The following KALRN variants were observed in gnomAD, a reference collection of about 807,000 sequenced individuals.
KALRN encodes the protein kalirin.
KALRN carries 70 observed loss-of-function variants against 353.7 expected under a neutral mutation model. The observed-to-expected ratio is 0.20, with a 90% CI of 0.16 to 0.24. KALRN has a LOEUF of 0.24. Ranked by LOEUF, KALRN falls within the 10% of genes least tolerant of loss-of-function variation. KALRN has a pLI of 1.00. For synonymous variants in KALRN, 1,391 were observed against 1,434.8 expected, an observed-to-expected ratio of 0.97 and a Z score of 0.69; for missense variants, 2,791 against 3,756.7, an observed-to-expected ratio of 0.74 and a Z score of 6.72.
intron 17 of KALRN, among the ~76,000 whole-genome samples, chr3:124,436,448 T>C (rs1261673407): frequency 1.3e-5 from 2 of 152,276 alleles, no homozygotes; most frequent in African/African-American, 4.8e-5. Context: ...AAACATGAGC[T>C]GCCTGCACGT....
intron 33 of KALRN, among the ~76,000 whole-genome samples, chr3:124,527,837 C>A (rs981168223): frequency 7.2e-5 from 11 of 152,096 alleles, no homozygotes; most frequent in African/African-American, 2.4e-4. Context: ...GTTTGAAGAA[C>A]CTAGATTCCA....
At chr3:124,436,366 T>G (rs2093460428) in intron 17 of KALRN, among the ~76,000 whole-genome samples, 1 of 152,236 alleles carries the variant, frequency 6.6e-6, no homozygotes, top group South Asian at 2.1e-4. Flanking sequence ...CTAAGTTCAG[T>G]CCTATCATGG....
At chr3:124,335,907 C>T (rs778217358) in intron 9 of KALRN, among the ~76,000 whole-genome samples, 8 of 152,094 alleles carry the variant, frequency 5.3e-5, no homozygotes, top group Admixed American at 2.6e-4. Context: ...GTGAAATACA[C>T]ATGGAAAATT....
chr3:124,366,196 T>C (rs1424604540), intron 10 of KALRN, among the ~76,000 whole-genome samples: 1 of 151,474 alleles, frequency 6.6e-6, no homozygotes, highest in Non-Finnish European at 1.5e-5. Flanking sequence ...TTTTATTGTA[T>C]TTCTTTTTTT....
At chr3:124,678,031 C>T (rs1227775037) in intron 49 of KALRN, among the ~76,000 whole-genome samples, 159 bp from the exon 50 acceptor site, 5 of 152,190 alleles carry the variant, frequency 3.3e-5, no homozygotes, top group African/African-American at 7.2e-5. Context: ...CGAGGTCAGC[C>T]GCCAGCCACC....
chr3:124,258,027 A>G (rs544768081), intron 3 of KALRN, among the ~76,000 whole-genome samples: 54 of 152,264 alleles, frequency 3.5e-4, no homozygotes, highest in African/African-American at 1.3e-3. Context: ...TCCACTGTAA[A>G]CGGGTCTGCT....
At chr3:124,644,080 C>A (rs1314451297) in intron 37 of KALRN, among the ~76,000 whole-genome samples, 1 of 152,194 alleles carries the variant, frequency 6.6e-6, no homozygotes, top group African/African-American at 2.4e-5. Flanking sequence ...CCTGTTCATG[C>A]TACAGATTTG....
chr3:124,576,179 C>G (rs1188490549), intron 34 of KALRN, among the ~76,000 whole-genome samples: 1 of 151,858 alleles, frequency 6.6e-6, no homozygotes. Context: ...TCTCCCATCA[C>G]AGTGTATACT....
intron 34 of KALRN, among the ~76,000 whole-genome samples, chr3:124,626,255 G>A (rs1219065831): frequency 6.6e-6 from 1 of 152,102 alleles, no homozygotes; most frequent in East Asian, 1.9e-4. Flanking sequence ...TTAACAACAT[G>A]GATAAGAAAG....
intron 37 of KALRN, among the ~76,000 whole-genome samples, chr3:124,648,291 G>A (rs1337201870): frequency 6.6e-6 from 1 of 152,210 alleles, no homozygotes; most frequent in African/African-American, 2.4e-5. Flanking sequence ...GTCTCTCACT[G>A]TTGCCATCCC....
chr3:124,697,486 A>G, intron 54 of KALRN, 107 bp from the exon 55 acceptor site: 1 of 1,181,598 alleles, frequency 8.5e-7, no homozygotes, highest in Non-Finnish European at 1.1e-6. Flanking sequence ...GGTCACAGGA[A>G]AAAATTGTGA....
chr3:124,302,180 G>A (rs1433508691), intron 6 of KALRN, among the ~76,000 whole-genome samples: 6 of 152,162 alleles, frequency 3.9e-5, no homozygotes, highest in Admixed American at 3.9e-4. Flanking sequence ...ATCAGACATT[G>A]TATTGGATAC....
At chr3:124,584,975 T>G (rs2075004825) in intron 34 of KALRN, 8 of 1,445,224 alleles carry the variant, frequency 5.5e-6, no homozygotes, top group African/African-American at 2.9e-5. Flanking sequence ...CGAGGGAGGG[T>G]GGTAGGGAGG....
chr3:124,605,486 T>C (rs2077237210), intron 34 of KALRN, among the ~76,000 whole-genome samples: 1 of 151,134 alleles, frequency 6.6e-6, no homozygotes, highest in African/African-American at 2.4e-5. Flanking sequence ...GGCAGGAGAA[T>C]TGCTTGAACC....
chr3:124,564,097 C>T lies in KALRN; in HGVS notation c.5182+1008C>T, dbSNP rs1012756595. On this transcript the variant is annotated intron_variant, in intron 34 of 59. Transcript: ENST00000682506. ...GCGCACGCCTGTAGTCCCAGCTACT[C>T]GGGAGGCTGAGGCAGGAGAATGGCG... 6.9e-5 allele frequency among the ~76,000 whole-genome samples: 10 copies of T among 144,622 alleles called. No homozygotes were observed. In the Middle Eastern group the frequency reaches 0.013, roughly 181 times the overall value. The allele number at this position is 144,622 out of a possible 152,430, so 94.9% of individuals were successfully genotyped here. A position where few individuals can be genotyped will look rare whatever the true frequency, so the allele number is the denominator to read the frequency against.
intron 1 of KALRN, among the ~76,000 whole-genome samples, chr3:124,144,551 A>C (rs1473658371): frequency 3.5e-5 from 5 of 143,986 alleles, no homozygotes; most frequent in African/African-American, 7.8e-5. Context: ...CCTCTTCCTC[A>C]TCATCCTCCT....
At chr3:124,715,416 T>A (rs1347363968) in intron 58 of KALRN, among the ~76,000 whole-genome samples, 2 of 152,184 alleles carry the variant, frequency 1.3e-5, no homozygotes, top group East Asian at 1.9e-4. Context: ...ATCTGCCTTA[T>A]CCAAAAGCTC....
At chr3:124,092,511 C>G (rs1476530499) in intron 1 of KALRN, among the ~76,000 whole-genome samples, 1 of 152,208 alleles carries the variant, frequency 6.6e-6, no homozygotes, top group Non-Finnish European at 1.5e-5. Context: ...CACATTTGGA[C>G]CCTCCACTCA....
chr3:124,411,573 C>T (rs1029610007), intron 13 of KALRN, among the ~76,000 whole-genome samples: 2 of 150,276 alleles, frequency 1.3e-5, no homozygotes, highest in Admixed American at 6.7e-5. Flanking sequence ...TCCCAAGTTG[C>T]AAGGACAACA....
Sources: gnomAD v4.1 joint callset for allele counts (sites outside exome capture counted in the v4.1 genomes callset) on GRCh38, gnomAD v4.1.1 for gene constraint, MANE v1.5 for transcripts, NCBI Gene and HGNC (gene_info 2026-07-23, HGNC 2026-07-21) for gene names.